The following DAB1 variants were observed in gnomAD, a reference collection of about 807,000 sequenced individuals.
DAB1 encodes the protein DAB adaptor protein 1, also known as disabled homolog 1.
DAB1 carries 15 observed loss-of-function variants against 64.6 expected under a neutral mutation model. The ratio of observed to expected loss-of-function variants is 0.23; its 90% confidence interval spans 0.16 to 0.36. The LOEUF is 0.36. Among genes scored for constraint, DAB1 ranks in the 10% least tolerant of loss-of-function variants. The pLI is 1.00. For synonymous variants in DAB1, 235 were observed against 251.9 expected (o/e 0.93, Z 0.64); for missense variants, 596 against 706.7 (o/e 0.84, Z 1.78).
chr1:58,011,268 A>G (rs1175441488), intron 5 of DAB1, among the ~76,000 whole-genome samples: 1 of 152,210 alleles, frequency 6.6e-6, no homozygotes, highest in Non-Finnish European at 1.5e-5. Context: ...GGTAATAAGT[A>G]TTCTTGTATT....
chr1:58,280,222 C>T (rs1661525897), intron 4 of DAB1, among the ~76,000 whole-genome samples: 1 of 152,200 alleles, frequency 6.6e-6, no homozygotes, highest in Non-Finnish European at 1.5e-5. Flanking sequence ...TCCATGTCTA[C>T]CCTTTGTCTT....
intron 7 of DAB1, among the ~76,000 whole-genome samples, chr1:57,476,280 T>C (rs1254026607): frequency 6.7e-6 from 1 of 149,742 alleles, no homozygotes; most frequent in African/African-American, 2.5e-5. Flanking sequence ...TAGTCATGAA[T>C]GGAAAATGGG....
chr1:57,463,888 A>C (rs991996033), intron 7 of DAB1, among the ~76,000 whole-genome samples: 1 of 152,174 alleles, frequency 6.6e-6, no homozygotes, highest in African/African-American at 2.4e-5. Flanking sequence ...TGATAATTTG[A>C]AGTCGTACAC....
chr1:57,585,773 C>G (rs1645371680), intron 7 of DAB1, among the ~76,000 whole-genome samples: 1 of 152,198 alleles, frequency 6.6e-6, no homozygotes, highest in African/African-American at 2.4e-5. Context: ...CATATTACAT[C>G]TTGATATAAA....
intron 3 of DAB1, among the ~76,000 whole-genome samples, chr1:58,498,251 A>C (rs1557442024): frequency 6.6e-6 from 1 of 152,058 alleles, no homozygotes; most frequent in Admixed American, 6.6e-5. Flanking sequence ...TAAAAAAAAA[A>C]AACAACTTTT....
At chr1:57,982,312 GA>G (rs1483689038) in intron 5 of DAB1, among the ~76,000 whole-genome samples, 3 of 152,192 alleles carry the variant, frequency 2.0e-5, no homozygotes, top group African/African-American at 7.2e-5. Context: ...ATGAAGCAGA[GA>G]AGTCAACTGT....
At chr1:58,418,374 T>C (rs745451877) in intron 3 of DAB1, among the ~76,000 whole-genome samples, 7 of 152,142 alleles carry the variant, frequency 4.6e-5, no homozygotes, top group Non-Finnish European at 1.0e-4. Context: ...ATCACACTCC[T>C]TGGTCAATGA....
At chr1:57,528,258 A>G (rs1299264236) in intron 7 of DAB1, among the ~76,000 whole-genome samples, 4 of 152,144 alleles carry the variant, frequency 2.6e-5, no homozygotes, top group Non-Finnish European at 5.9e-5. Context: ...GATGGGATTA[A>G]CAGTAGAATG....
chr1:58,195,036 A>G (rs1049984434), intron 4 of DAB1, among the ~76,000 whole-genome samples: 1 of 152,160 alleles, frequency 6.6e-6, no homozygotes, highest in Non-Finnish European at 1.5e-5. Flanking sequence ...TTTGATTCAC[A>G]CTTGAATCTT....
intron 9 of DAB1, among the ~76,000 whole-genome samples, chr1:57,048,169 A>C (rs1271712710): frequency 6.6e-6 from 1 of 152,224 alleles, no homozygotes; most frequent in Non-Finnish European, 1.5e-5. Context: ...ACCGCTGGTA[A>C]GTAAGGGATA....
chr1:57,905,346 G>T (rs1644535359), intron 5 of DAB1, among the ~76,000 whole-genome samples: 1 of 152,076 alleles, frequency 6.6e-6, no homozygotes, highest in Non-Finnish European at 1.5e-5. Flanking sequence ...GGTGAGGAAG[G>T]TTGCTGGTTT....
chr1:57,350,586 T>A (rs1678507274), intron 1 of DAB1, among the ~76,000 whole-genome samples: 1 of 152,078 alleles, frequency 6.6e-6, no homozygotes, highest in South Asian at 2.1e-4. Flanking sequence ...AGAGAAGCAA[T>A]AATTACAAGT....
At chr1:58,087,662 C>A (rs1650400058) in intron 5 of DAB1, among the ~76,000 whole-genome samples, 1 of 152,128 alleles carries the variant, frequency 6.6e-6, no homozygotes, top group Non-Finnish European at 1.5e-5. Context: ...CTATCCATGG[C>A]AGAATAGGAA....
chr1:57,241,170 A>T (rs1305029262), intron 2 of DAB1, among the ~76,000 whole-genome samples: 2 of 152,166 alleles, frequency 1.3e-5, no homozygotes, highest in Non-Finnish European at 2.9e-5. Context: ...CAATAAATAA[A>T]TATGTATTAA....
intron 5 of DAB1, among the ~76,000 whole-genome samples, chr1:58,078,274 T>C (rs926541917): frequency 3.9e-5 from 6 of 152,252 alleles, no homozygotes; most frequent in Admixed American, 3.3e-4. Context: ...TTCTGGGGGC[T>C]TGGGCTAGAG....
intron 1 of DAB1, among the ~76,000 whole-genome samples, chr1:57,291,387 C>A (rs75869234): frequency 0.015 from 2,233 of 152,224 alleles, 59 homozygotes; most frequent in African/African-American, 0.05. Flanking sequence ...CAAAATAGAT[C>A]TTTAAAAGTC....
chr1:57,094,171 T>C (rs148152071), intron 4 of DAB1, among the ~76,000 whole-genome samples: 316 of 152,174 alleles, frequency 2.1e-3, no homozygotes, highest in African/African-American at 7.4e-3. Context: ...TTTCATTCTT[T>C]TTTCTAGTTA....
In DAB1 at chr1:58,240,047, G is replaced by A. The variant is rs72910453; in HGVS notation, n.310-89459C>T. Among the ~76,000 whole-genome samples, 1,420 of 152,214 alleles carry A rather than the reference G, an allele frequency of 9.3e-3. 22 individuals carry two copies. The highest frequency in any genetic ancestry group is 0.032 in the African/African-American group (1,348 of 41,526). On this transcript the variant is annotated intron_variant and non_coding_transcript_variant, in intron 4 of 20. Transcript: ENST00000485760. ...GAGGTGGAGTGCAAAAGAAGTAGGC[G>A]ACTGCTGCCTTGCACTCCATCTTAC... is the stretch of plus-strand genomic sequence containing the variant.
At chr1:57,758,254 GC>G (rs1316607664) in intron 6 of DAB1, among the ~76,000 whole-genome samples, 1 of 152,108 alleles carries the variant, frequency 6.6e-6, no homozygotes, top group African/African-American at 2.4e-5. Flanking sequence ...TATGATGCTG[GC>G]ATCACCATTT....
Sources: gnomAD v4.1 joint callset for allele counts (sites outside exome capture counted in the v4.1 genomes callset) on GRCh38, gnomAD v4.1.1 for gene constraint, MANE v1.5 for transcripts, NCBI Gene and HGNC (gene_info 2026-07-23, HGNC 2026-07-21) for gene names.